EXTL3: variants seen among roughly 807,000 people sequenced by gnomAD.
EXTL3 encodes exostosin like glycosyltransferase 3.
A neutral mutation model predicts 69.3 loss-of-function variants in EXTL3; 27 were observed. The observed-to-expected ratio is 0.39, with a 90% CI of 0.29 to 0.54. The LOEUF is 0.54. Among genes scored for constraint, EXTL3 ranks in the 20% least tolerant of loss-of-function variants. EXTL3 has a pLI of 0.69. For missense variants in EXTL3, 1,003 were observed against 1,231.8 expected, an observed-to-expected ratio of 0.81 and a Z score of 2.78; for synonymous variants, 511 against 499.4, an observed-to-expected ratio of 1.02 and a Z score of -0.31.
Position 28,713,508 on chromosome 8 carries a change from A to G in EXTL3, c.-518A>G. On this transcript the variant is annotated 5_prime_UTR_variant, in exon 2 of 7. Transcript: ENST00000220562. ...TTCAAGAAGTCGTGTGCTGAGGTGT[A>G]ATGCTACACAAGTCAGAGGAAGGAA... is the stretch of plus-strand genomic sequence containing the variant. The G allele has an allele frequency of 1.4e-6, 1 of 702,278 alleles. No individual in the cohort carries two copies. Among genetic ancestry groups the G allele is most frequent in the East Asian group, 2.7e-5 (1 of 37,268 alleles). The allele number at this position is 702,278 out of a possible 1,614,324, so 43.5% of individuals were successfully genotyped here. A position where few individuals can be genotyped will look rare whatever the true frequency, so the allele number is the denominator to read the frequency against.
At chr8:28,755,735 A>G (rs1032320130), downstream of EXTL3, 1 of 152,172 alleles carries the variant, frequency 6.6e-6, no homozygotes, top group Non-Finnish European at 1.5e-5. Flanking sequence ...GGGCAACAAG[A>G]AACTCCGTCT....
At chr8:28,661,784 C>G (rs1474918147) in intron 1 of EXTL3, among the ~76,000 whole-genome samples, 2 of 151,684 alleles carry the variant, frequency 1.3e-5, no homozygotes, top group Non-Finnish European at 2.9e-5. Context: ...ACTCAGGAGG[C>G]TAAGGCAGGA....
At chr8:28,707,140 C>T (rs1800941051) in intron 1 of EXTL3, among the ~76,000 whole-genome samples, 1 of 152,042 alleles carries the variant, frequency 6.6e-6, no homozygotes, top group Admixed American at 6.5e-5. Context: ...AAAAAGATTG[C>T]AACAAGGTAA....
intron 1 of EXTL3, among the ~76,000 whole-genome samples, chr8:28,680,240 A>G: frequency 6.6e-6 from 1 of 152,050 alleles, no homozygotes; most frequent in Non-Finnish European, 1.5e-5. Context: ...AAAATACAAA[A>G]ATTAGCTGGG....
intron 1 of EXTL3, among the ~76,000 whole-genome samples, chr8:28,640,717 C>T (rs1806729716): frequency 6.6e-6 from 1 of 152,178 alleles, no homozygotes; most frequent in Non-Finnish European, 1.5e-5. Flanking sequence ...GTTCTCCTGC[C>T]TCAGCCTCCC....
At chr8:28,643,121 G>A (rs13265845) in intron 1 of EXTL3, among the ~76,000 whole-genome samples, 30,905 of 152,024 alleles carry the variant, frequency 0.2, 3,875 homozygotes, top group Non-Finnish European at 0.28. Flanking sequence ...GTGGGTGCCT[G>A]TAATTCCAGC....
intron 1 of EXTL3, among the ~76,000 whole-genome samples, chr8:28,679,339 G>A (rs544891177): frequency 7.3e-4 from 111 of 152,224 alleles, no homozygotes; most frequent in Middle Eastern, 3.4e-3. Flanking sequence ...CCAGCTACTC[G>A]GGAGGCTAAG....
At chr8:28,607,808 A>G (rs1468484259) in intron 2 of EXTL3, 2 of 152,280 alleles carry the variant, frequency 1.3e-5, no homozygotes, top group East Asian at 1.9e-4. Context: ...ACACAAGTTA[A>G]CAGTCTTGAA....
rs771419886 is a variant in EXTL3, at chr8:28,716,164, G to A, written c.105G>A (p.Thr35=). Reference sequence around the variant, plus strand: ...TCCGCCTCACGTGGCTCAGCTTCACGCTCTTTGTCATCCTGGTCTTCTTCC... The same window carrying A: ...TCCGCCTCACGTGGCTCAGCTTCACACTCTTTGTCATCCTGGTCTTCTTCC... The part of the protein sequence containing the change: ...NRIRLTWLSF[T]LFVILVFFPL... The change falls in exon 3 of 7, where the codon ACG becomes ACA. Residue 35 remains threonine (T), a synonymous_variant. Transcript: ENST00000220562. The surrounding 1 kb of genome is among the most constrained non-coding windows in gnomAD (Gnocchi z 7.1). 5.0e-6 allele frequency: 8 copies of A among 1,614,004 alleles called. No homozygotes were observed. The highest frequency in any genetic ancestry group is 3.3e-5 in the Admixed American group (2 of 60,006).
At chr8:28,635,246 A>G (rs532297726) in intron 1 of EXTL3, among the ~76,000 whole-genome samples, 10 of 152,050 alleles carry the variant, frequency 6.6e-5, no homozygotes, top group South Asian at 4.2e-4. Context: ...AGTAGGAAAT[A>G]CCCTTAACTA....
At chr8:28,621,954 C>T (rs1806413970), upstream of EXTL3, among the ~76,000 whole-genome samples, 1 of 152,164 alleles carries the variant, frequency 6.6e-6, no homozygotes, top group Non-Finnish European at 1.5e-5. Context: ...TTGTTATATT[C>T]TCATTTTTCA....
intron 1 of EXTL3, among the ~76,000 whole-genome samples, chr8:28,677,736 GA>G (rs540665287): frequency 3.3e-4 from 50 of 150,110 alleles, no homozygotes; most frequent in South Asian, 6.4e-4. Flanking sequence ...GTTCTGTTAC[GA>G]AAAAAAAACA....
chr8:28,748,110 T>C (rs1477855038), intron 6 of EXTL3, among the ~76,000 whole-genome samples: 1 of 152,176 alleles, frequency 6.6e-6, no homozygotes, highest in Non-Finnish European at 1.5e-5. Context: ...CTGTGGCTCA[T>C]GCCTGTAATC....
At chr8:28,652,149 A>T (rs942473907) in intron 1 of EXTL3, among the ~76,000 whole-genome samples, 2 of 152,028 alleles carry the variant, frequency 1.3e-5, no homozygotes, top group African/African-American at 4.8e-5. Context: ...ACCTCAATGA[A>T]CATTGGTGTG....
At chr8:28,714,800 T>G (rs1431535050) in intron 2 of EXTL3, among the ~76,000 whole-genome samples, 3 of 152,244 alleles carry the variant, frequency 2.0e-5, no homozygotes, top group Non-Finnish European at 4.4e-5. Context: ...TCCCATCCAC[T>G]GCACTTTGTA....
intron 6 of EXTL3, among the ~76,000 whole-genome samples, chr8:28,747,881 G>A (rs1244427785): frequency 8.6e-5 from 13 of 151,896 alleles, no homozygotes; most frequent in South Asian, 2.1e-4. Flanking sequence ...GGCATGTGTC[G>A]CCATGCCCAG....
At chr8:28,609,581 A>G (rs1028303195) in intron 2 of EXTL3, among the ~76,000 whole-genome samples, 1 of 151,950 alleles carries the variant, frequency 6.6e-6, no homozygotes, top group Non-Finnish European at 1.5e-5. Flanking sequence ...TCTTTTGCAT[A>G]AGTTCTTTTG....
chr8:28,733,601 T>A (rs1284510887), intron 4 of EXTL3, among the ~76,000 whole-genome samples: 4 of 150,720 alleles, frequency 2.7e-5, no homozygotes, highest in Non-Finnish European at 5.9e-5. Context: ...CTCACTTTAT[T>A]GTTCAAGCTG....
At chr8:28,743,237 G>A (rs755949585) in intron 6 of EXTL3, 23 bp downstream of exon 6, 1 of 1,613,534 alleles carries the variant, frequency 6.2e-7, no homozygotes, top group South Asian at 1.1e-5. Flanking sequence ...CACTGGTGGG[G>A]CTGTGGATGC....
Sources: gnomAD v4.1 joint callset for allele counts (sites outside exome capture counted in the v4.1 genomes callset) on GRCh38, gnomAD v4.1.1 for gene constraint, Gnocchi (gnomAD v3.1) non-coding constraint, MANE v1.5 for transcripts, NCBI Gene and HGNC (gene_info 2026-07-23, HGNC 2026-07-21) for gene names.